The following EPHA7 variants were observed in gnomAD, a reference collection of about 807,000 sequenced individuals.
EPHA7 encodes ephrin type-A receptor 7.
In EPHA7, 25 loss-of-function variants were observed where a neutral mutation model predicts 112.6. That is an observed-to-expected ratio of 0.22 (90% CI 0.16 to 0.31). EPHA7 has a LOEUF of 0.31. Among genes scored for constraint, EPHA7 ranks in the 10% least tolerant of loss-of-function variants. EPHA7 has a pLI of 1.00. For missense variants in EPHA7, 962 were observed against 1,212.6 expected, an observed-to-expected ratio of 0.79 and a Z score of 3.07; for synonymous variants, 437 against 406.5, an observed-to-expected ratio of 1.07 and a Z score of -0.90.
rs1439755437 is a variant in EPHA7, at chr6:93,240,404, A to G, written c.*3022T>C. 2 of 220,374 alleles carry G rather than the reference A, an allele frequency of 9.1e-6. No individual in the cohort carries two copies. The highest frequency in any genetic ancestry group is 2.2e-5 in the African/African-American group (1 of 44,706). The allele number at this position is 220,374 out of a possible 1,614,324, so 13.7% of individuals were successfully genotyped here. A position where few individuals can be genotyped will look rare whatever the true frequency, so the allele number is the denominator to read the frequency against. On this transcript the variant is annotated 3_prime_UTR_variant, in exon 17 of 17. Coordinates refer to ENST00000369303, the MANE Select transcript of EPHA7 (RefSeq NM_004440.4). Reference sequence around the variant, plus strand: ...CATTTTAATTGTCTTAAAAACACGGATAAGAAGAGCAATTAAAATATAGTC... The same window carrying G: ...CATTTTAATTGTCTTAAAAACACGGGTAAGAAGAGCAATTAAAATATAGTC...
chr6:93,396,628 G>T (rs568585689), intron 3 of EPHA7, among the ~76,000 whole-genome samples: 1 of 151,668 alleles, frequency 6.6e-6, no homozygotes, highest in South Asian at 2.1e-4. Flanking sequence ...ATGTTTTTAC[G>T]AATAGATTTA....
intron 5 of EPHA7, among the ~76,000 whole-genome samples, chr6:93,274,460 T>C (rs1231454744): frequency 1.3e-5 from 2 of 151,954 alleles, no homozygotes; most frequent in East Asian, 3.9e-4. Context: ...AATAAAATTA[T>C]AGCAATTGGG....
intron 7 of EPHA7, 139 bp downstream of exon 7, chr6:93,269,338 A>G (rs898643116): frequency 1.7e-6 from 1 of 595,434 alleles, no homozygotes; most frequent in African/African-American, 1.9e-5. Flanking sequence ...ACTTTTACAA[A>G]GTACATTTAT....
intron 14 of EPHA7, 105 bp from the exon 15 acceptor site, chr6:93,247,090 A>C (rs552795133): frequency 9.9e-7 from 1 of 1,015,054 alleles, no homozygotes; most frequent in Non-Finnish European, 1.4e-6. Flanking sequence ...AATGAGGCAC[A>C]ATGCTTCACA....
intron 5 of EPHA7, among the ~76,000 whole-genome samples, chr6:93,330,259 T>C (rs1774526484): frequency 6.6e-6 from 1 of 151,308 alleles, no homozygotes; most frequent in South Asian, 2.1e-4. Context: ...GCATATCCAT[T>C]ACCTCAAACA....
In EPHA7 at chr6:93,246,791, C is replaced by A; in HGVS notation, c.2726+1G>T. On this transcript the variant is annotated splice_donor_variant, in intron 15 of 16. Coordinates refer to ENST00000369303, the MANE Select transcript of EPHA7 (RefSeq NM_004440.4). LOFTEE classifies it high-confidence loss of function. Reference sequence around the variant, plus strand: ...ATTCCATTCCCTTAGGCATTTCTTACCTACTACAAGTTCCCAGGGGAGTTT... The same window carrying A: ...ATTCCATTCCCTTAGGCATTTCTTAACTACTACAAGTTCCCAGGGGAGTTT... The A allele has an allele frequency of 6.3e-7, 1 of 1,596,100 alleles. No homozygotes were observed.
chr6:93,243,339 G>T lies in EPHA7; in HGVS notation c.*87C>A. On this transcript the variant is annotated 3_prime_UTR_variant, in exon 17 of 17. Coordinates refer to ENST00000369303, the MANE Select transcript of EPHA7 (RefSeq NM_004440.4). ...GTTGGAAGGACCCAGGACATCACTT[G>T]TCTTCTAGCAGCATTCTATGCATAT... 2.0e-6 allele frequency: 2 copies of T among 980,430 alleles called. No homozygotes were observed. Among genetic ancestry groups the T allele is most frequent in the Non-Finnish European group, 3.1e-6 (2 of 638,016 alleles). 60.7% of individuals were successfully genotyped at this position (980,430 alleles called of 1,614,324 possible).
At chr6:93,336,298 C>T (rs1408719747) in intron 5 of EPHA7, among the ~76,000 whole-genome samples, 1 of 152,076 alleles carries the variant, frequency 6.6e-6, no homozygotes, top group South Asian at 2.1e-4. Context: ...GTTTCAGATT[C>T]TCTTCATATC....
At position 93,256,002 on chromosome 6, in the gene EPHA7, T is replaced by C. The variant is rs756745214; in HGVS notation, c.2208A>G (p.Val736=). Residue 736 remains valine, a synonymous_variant, in exon 13 of 17, where the codon GTA becomes GTG. Coordinates refer to ENST00000369303, the MANE Select transcript of EPHA7 (RefSeq NM_004440.4). ...CAGCAGCAATTCCTCTCAGCATTCC[T>C]ACTAACTGAATGACTGTAAATTGCC... The part of the protein sequence containing the change: ...HDGQFTVIQL[V]GMLRGIAAGM... The C allele has an allele frequency of 3.7e-6, 6 of 1,614,064 alleles. No individual in the cohort carries two copies. In the Admixed American group the frequency reaches 1.0e-4, roughly 27 times the overall value.
At chr6:93,252,395 T>C (rs987974649) in intron 14 of EPHA7, among the ~76,000 whole-genome samples, 2 of 150,240 alleles carry the variant, frequency 1.3e-5, no homozygotes, top group South Asian at 2.1e-4. Flanking sequence ...TAAAAGACAA[T>C]GAATACATCT....
chr6:93,311,455 A>G (rs563842198), intron 5 of EPHA7, among the ~76,000 whole-genome samples: 32 of 152,276 alleles, frequency 2.1e-4, no homozygotes, highest in African/African-American at 7.0e-4. Context: ...TTGCCCAACC[A>G]TAAGAAGCAG....
chr6:93,247,680 T>G (rs1770016937), intron 14 of EPHA7, among the ~76,000 whole-genome samples: 1 of 152,042 alleles, frequency 6.6e-6, no homozygotes, highest in African/African-American at 2.4e-5. Context: ...AGAGCTGGTT[T>G]TTATTATTAT....
At chr6:93,268,755 A>G (rs1350054515) in intron 7 of EPHA7, among the ~76,000 whole-genome samples, 2 of 151,788 alleles carry the variant, frequency 1.3e-5, no homozygotes, top group Non-Finnish European at 2.9e-5. Flanking sequence ...CTTATACACT[A>G]TATATACACA....
chr6:93,410,630 C>T lies in EPHA7; in HGVS notation c.703G>A (p.Val235Ile), dbSNP rs1319640969. 6.2e-7 allele frequency: 1 copy of T among 1,613,900 alleles called. No homozygotes were observed. Among genetic ancestry groups the T allele is most frequent in the Non-Finnish European group, 8.5e-7 (1 of 1,179,962 alleles). ...SSLVEVRGTC[V>I]SSAEEEAENA... ...TCCGCTTCTTCCTCTGCACTGCTGA[C>T]ACATGTCCCTCGAACCTCGACTAAA... The change falls in exon 3 of 17, where the codon GTC becomes ATC. Residue 235 changes from valine to isoleucine, a missense_variant. Physicochemically the swap from Val to Ile is conservative, Grantham distance 29. Around this residue, in one of 3 missense-constraint regions of EPHA7, gnomAD observed 160 missense variants for 263.6 expected, o/e 0.61. Transcript: ENST00000369303. The surrounding 1 kb of genome is among the most constrained non-coding windows in gnomAD (Gnocchi z 4.0).
At position 93,410,481 on chromosome 6, in the gene EPHA7, T is replaced by G; in HGVS notation, c.832+20A>C. 6.3e-7 allele frequency: 1 copy of G among 1,592,026 alleles called. No homozygotes were observed. The highest frequency in any genetic ancestry group is 8.6e-7 in the Non-Finnish European group (1 of 1,169,004). On this transcript the variant is annotated intron_variant, in intron 3 of 16. Transcript: ENST00000369303. The surrounding 1 kb of genome is among the most constrained non-coding windows in gnomAD (Gnocchi z 4.0). ...AATTTAAAAAGGCAAAGTGGAGTTT[T>G]AATAGGACACATTACTTACGTTCAC...
At position 93,305,102 on chromosome 6, in the gene EPHA7, G is replaced by T. The variant is rs1773184650; in HGVS notation, c.1325-32680C>A. On this transcript the variant is annotated intron_variant, in intron 5 of 16. Coordinates refer to ENST00000369303, the MANE Select transcript of EPHA7 (RefSeq NM_004440.4). ...GCTTTTATATTAGCAATTTTTATGT[G>T]TTTTTTTTTGTCCACAACTATTTCT... Among the ~76,000 whole-genome samples, 4 of 150,090 alleles carry T rather than the reference G, an allele frequency of 2.7e-5. No individual in the cohort carries two copies. The South Asian group carries it at 8.5e-4, about 32-fold the overall frequency.
At position 93,311,624 on chromosome 6, in the gene EPHA7, T is replaced by C. The variant is rs116372630; in HGVS notation, c.1325-39202A>G. On this transcript the variant is annotated intron_variant, in intron 5 of 16. Coordinates refer to ENST00000369303, the MANE Select transcript of EPHA7 (RefSeq NM_004440.4). ...TCACCATCATCCACAAGGGTTGGAATCAACTTCTCCTAACTCCTATTGATG... is the reference window on the plus strand; with the variant it reads ...TCACCATCATCCACAAGGGTTGGAACCAACTTCTCCTAACTCCTATTGATG... Among the ~76,000 whole-genome samples, 908 of 152,226 alleles carry C rather than the reference T, an allele frequency of 6.0e-3. 11 individuals are homozygous for C. The highest frequency in any genetic ancestry group is 0.021 in the African/African-American group (867 of 41,526).
chr6:93,244,167 C>G (rs1769837367), intron 16 of EPHA7, among the ~76,000 whole-genome samples: 1 of 151,978 alleles, frequency 6.6e-6, no homozygotes, highest in Non-Finnish European at 1.5e-5. Context: ...TTCTTAATAG[C>G]CAGATACAAT....
intron 14 of EPHA7, 128 bp downstream of exon 14, chr6:93,254,519 G>A (rs1025099217): frequency 8.4e-6 from 5 of 592,712 alleles, no homozygotes; most frequent in Non-Finnish European, 1.1e-5. Context: ...TAGTGTGGTA[G>A]TAATTGTGGA....
Sources: allele counts gnomAD v4.1 joint callset (sites outside exome capture counted in the v4.1 genomes callset), GRCh38; gene constraint gnomAD v4.1.1; regional missense constraint gnomAD v4.1.1; non-coding constraint Gnocchi (gnomAD v3.1); transcripts MANE v1.5; gene names NCBI Gene and HGNC (gene_info 2026-07-23, HGNC 2026-07-21).